LHFPL3: variants seen among roughly 807,000 people sequenced by gnomAD.
LHFPL3 encodes the protein LHFPL tetraspan subfamily member 3 protein.
Under a neutral mutation model 19.3 loss-of-function variants are expected in LHFPL3, and 5 were observed. The observed-to-expected ratio is 0.26, with a 90% CI of 0.14 to 0.54. The LOEUF (loss-of-function observed/expected upper bound fraction) is 0.54, where lower values mean the gene tolerates loss of function less well. Among genes scored for constraint, LHFPL3 ranks in the 20% least tolerant of loss-of-function variants. LHFPL3 has a pLI of 0.94. For synonymous variants in LHFPL3, 133 were observed against 126.2 expected (o/e 1.05, Z -0.36); for missense variants, 249 against 307.4 (o/e 0.81, Z 1.42).
At chr7:104,870,704 C>T (rs1791817419) in intron 2 of LHFPL3, among the ~76,000 whole-genome samples, 1 of 152,058 alleles carries the variant, frequency 6.6e-6, no homozygotes, top group Non-Finnish European at 1.5e-5. Context: ...AGAAAGAAGC[C>T]CTGGGAAGTT....
intron 1 of LHFPL3, among the ~76,000 whole-genome samples, chr7:104,354,168 C>T (rs1790228709): frequency 2.0e-5 from 3 of 152,058 alleles, no homozygotes; most frequent in Admixed American, 2.0e-4. Flanking sequence ...AAACTGTTTC[C>T]ACGCAGTGCT....
intron 2 of LHFPL3, chr7:104,845,383 T>C: frequency 6.6e-7 from 1 of 1,521,950 alleles, no homozygotes; most frequent in Non-Finnish European, 8.8e-7. Context: ...CACTCTCAGA[T>C]GATGGAAATG....
chr7:104,759,855 G>A (rs912991294), intron 2 of LHFPL3: 7 of 152,358 alleles, frequency 4.6e-5, no homozygotes, highest in African/African-American at 1.7e-4. Context: ...TGATTTTGCA[G>A]AGGAGAAAAT....
intron 2 of LHFPL3, among the ~76,000 whole-genome samples, chr7:104,865,970 A>G (rs936172594): frequency 8.5e-5 from 13 of 152,218 alleles, no homozygotes; most frequent in Non-Finnish European, 4.4e-5. Flanking sequence ...ATATCCAGCC[A>G]AACCAAGCTT....
intron 1 of LHFPL3, among the ~76,000 whole-genome samples, chr7:104,525,840 C>T (rs1443714052): frequency 1.3e-5 from 2 of 152,038 alleles, no homozygotes; most frequent in African/African-American, 4.8e-5. Flanking sequence ...CTCCTGACCT[C>T]GTAATTCACC....
At chr7:104,847,634 CTGAG>C (rs551474882) in intron 2 of LHFPL3, among the ~76,000 whole-genome samples, 12 of 152,332 alleles carry the variant, frequency 7.9e-5, no homozygotes, top group South Asian at 4.1e-4. Flanking sequence ...CCTCAGCCTC[CTGAG>C]TAACTGGGAC....
chr7:104,879,443 G>A (rs1441721893), intron 2 of LHFPL3, among the ~76,000 whole-genome samples: 1 of 152,066 alleles, frequency 6.6e-6, no homozygotes, highest in Admixed American at 6.5e-5. Flanking sequence ...AGGTGGACTA[G>A]GGGCAATATC....
chr7:104,864,511 G>A (rs182396411), intron 2 of LHFPL3, among the ~76,000 whole-genome samples: 12 of 152,290 alleles, frequency 7.9e-5, no homozygotes, highest in South Asian at 4.1e-4. Context: ...AATGTGCCTC[G>A]CTCATTGCTA....
At chr7:104,732,826 A>C (rs1004956779) in intron 1 of LHFPL3, among the ~76,000 whole-genome samples, 1 of 152,124 alleles carries the variant, frequency 6.6e-6, no homozygotes, top group African/African-American at 2.4e-5. Flanking sequence ...TAGGATGTCA[A>C]TTTTAGATCT....
intron 1 of LHFPL3, among the ~76,000 whole-genome samples, chr7:104,445,581 C>A (rs1265294606): frequency 6.6e-6 from 1 of 152,132 alleles, no homozygotes; most frequent in African/African-American, 2.4e-5. Context: ...TAGAATTATC[C>A]TTTCTTGTCT....
At chr7:104,418,284 T>C (rs764427694) in intron 1 of LHFPL3, among the ~76,000 whole-genome samples, 3 of 152,170 alleles carry the variant, frequency 2.0e-5, no homozygotes, top group Non-Finnish European at 2.9e-5. Flanking sequence ...CCAGGCACAA[T>C]AGATGATTCA....
intron 1 of LHFPL3, among the ~76,000 whole-genome samples, chr7:104,523,893 C>T (rs983431725): frequency 1.3e-5 from 2 of 152,144 alleles, no homozygotes; most frequent in African/African-American, 2.4e-5. Context: ...GGTGCTCATC[C>T]AAGACTTACT....
intron 1 of LHFPL3, among the ~76,000 whole-genome samples, chr7:104,347,781 A>G (rs1318604862): frequency 6.6e-6 from 1 of 151,984 alleles, no homozygotes; most frequent in African/African-American, 2.4e-5. Flanking sequence ...AATCCCAGTT[A>G]CTGGGGAGGC....
chr7:104,328,808 C>A lies in LHFPL3; in HGVS notation c.29C>A (p.Ala10Asp), dbSNP rs1230515259. Residue 10 changes from alanine to aspartate, a missense_variant, in exon 1 of 3, where the codon GCC becomes GAC. Ala to Asp is a moderately radical substitution (Grantham distance 126). Coordinates refer to ENST00000424859, the MANE Select transcript of LHFPL3 (RefSeq NM_199000.3). The surrounding 1 kb of genome is among the most constrained non-coding windows in gnomAD (Gnocchi z 4.6). ...CCCGGAGCCGCCGCCGCTGCCGCCG[C>A]CGCCGCCGCCGCGATGCTCCCGGCT... Reference protein sequence around the residue: MPGAAAAAAAAAAAMLPAQE... With the variant: MPGAAAAAADAAAAMLPAQE... 2 of 1,606,688 alleles carry A rather than the reference C, an allele frequency of 1.2e-6. No individual in the cohort carries two copies. Among genetic ancestry groups the A allele is most frequent in the Admixed American group, 3.4e-5 (2 of 59,542 alleles).
chr7:104,487,898 A>G (rs896069611), intron 1 of LHFPL3, among the ~76,000 whole-genome samples: 39 of 152,192 alleles, frequency 2.6e-4, no homozygotes, highest in African/African-American at 9.2e-4. Flanking sequence ...GGGCAAGGGT[A>G]CTATTACATG....
At chr7:104,857,194 C>T (rs1791523812) in intron 2 of LHFPL3, among the ~76,000 whole-genome samples, 1 of 152,164 alleles carries the variant, frequency 6.6e-6, no homozygotes, top group East Asian at 1.9e-4. Context: ...GACGCACTGC[C>T]AGCAATCTGC....
chr7:104,724,309 C>T (rs1479716367), intron 1 of LHFPL3, among the ~76,000 whole-genome samples: 4 of 152,002 alleles, frequency 2.6e-5, no homozygotes, highest in East Asian at 1.9e-4. Context: ...GCTTTTGGGG[C>T]GTTAACCTTT....
rs58010609 is a variant in LHFPL3 at position 104,372,997 on chromosome 7, C to CAAAAAAAAAAAAA, written c.445+43784_445+43785insAAAAAAAAAAAAA. Among the ~76,000 whole-genome samples the CAAAAAAAAAAAAA allele has an allele frequency of 2.8e-3, 360 of 126,330 alleles. 17 individuals carry two copies. The highest frequency in any genetic ancestry group is 9.8e-3 in the African/African-American group (322 of 32,906). 82.9% of individuals were successfully genotyped at this position (126,330 alleles called of 152,430 possible). ...CAAAGTTTTCCTGAGAGCTTCTTTA[C>CAAAAAAAAAAAAA]AAAAAAAAAAAGCAGTTCCCTGGGC... On this transcript the variant is annotated intron_variant, in intron 1 of 2. Transcript: ENST00000424859.
intron 1 of LHFPL3, among the ~76,000 whole-genome samples, chr7:104,604,176 T>C (rs1319301364): frequency 1.3e-5 from 2 of 152,198 alleles, no homozygotes; most frequent in Non-Finnish European, 2.9e-5. Flanking sequence ...ACTCTGCAGA[T>C]TGAGCACCAC....
Sources: allele counts gnomAD v4.1 joint callset (sites outside exome capture counted in the v4.1 genomes callset), GRCh38; gene constraint gnomAD v4.1.1; non-coding constraint Gnocchi (gnomAD v3.1); transcripts MANE v1.5; gene names NCBI Gene and HGNC (gene_info 2026-07-23, HGNC 2026-07-21).